WDR19: variants seen among roughly 807,000 people sequenced by gnomAD.
WDR19 encodes the protein WD repeat-containing protein 19.
WDR19 carries 121 observed loss-of-function variants against 180.0 expected under a neutral mutation model. That is an observed-to-expected ratio of 0.67 (90% confidence interval 0.58 to 0.78). The LOEUF (loss-of-function observed/expected upper bound fraction) is 0.78. Ranked by LOEUF, WDR19 falls within the 30% of genes least tolerant of loss-of-function variation. WDR19 has a pLI of 0.00. For missense variants in WDR19, 1,450 were observed against 1,640.7 expected (o/e 0.88, Z 2.01); for synonymous variants, 497 against 540.7 (o/e 0.92, Z 1.12).
intron 36 of WDR19, among the ~76,000 whole-genome samples, chr4:39,283,392 G>T (rs902037883): frequency 6.0e-5 from 9 of 150,594 alleles, no homozygotes; most frequent in Middle Eastern, 3.5e-3. Flanking sequence ...CCTCTGTTGT[G>T]TTTTTTTTTC....
chr4:39,253,419 C>T lies in WDR19; in HGVS notation c.2876+127C>T, dbSNP rs1445607415. ...TCTTTATTTTTTTATCAGGTCTAAG[C>T]GTTTAAATTCAAAGGCTGTCGTGGT... On this transcript the variant is annotated intron_variant, in intron 25 of 36. Transcript: ENST00000399820. 1.0e-5 allele frequency: 11 copies of T among 1,102,390 alleles called. No homozygotes were observed. In the African/African-American group the frequency reaches 1.5e-4, roughly 15 times the overall value. The allele number at this position is 1,102,390 out of a possible 1,614,324, so 68.3% of individuals were successfully genotyped here. A position where few individuals can be genotyped will look rare whatever the true frequency, so the allele number is the denominator to read the frequency against.
intron 31 of WDR19, among the ~76,000 whole-genome samples, chr4:39,271,220 G>A (rs917899039): frequency 7.9e-5 from 12 of 152,202 alleles, no homozygotes; most frequent in African/African-American, 1.7e-4. Context: ...TTAAAAATTC[G>A]TCCTTTAAGT....
Position 39,185,761 on chromosome 4 carries a change from C to A in WDR19, c.42C>A (p.Gly14=). 6.4e-7 allele frequency: 1 copy of A among 1,559,048 alleles called. No homozygotes were observed. The highest frequency in any genetic ancestry group is 2.4e-5 in the East Asian group (1 of 41,890). The change falls in exon 2 of 37, where the codon GGC becomes GGA. Residue 14 remains glycine (G), a synonymous_variant. Transcript: ENST00000399820. ...CACTGCTAGAAAAGACTTGGCTTGGCGCACCAATACAGTTTGCCTGGCAAA... is the reference window on the plus strand; with the variant it reads ...CACTGCTAGAAAAGACTTGGCTTGGAGCACCAATACAGTTTGCCTGGCAAA... ...IFSLLEKTWL[G]APIQFAWQKT... is the part of the protein sequence containing the mutation.
intron 28 of WDR19, among the ~76,000 whole-genome samples, chr4:39,260,768 C>G (rs1734207925): frequency 6.6e-6 from 1 of 152,188 alleles, no homozygotes; most frequent in African/African-American, 2.4e-5. Flanking sequence ...GGCTCTCTTC[C>G]TGACTTGCAG....
At chr4:39,272,954 A>C in intron 31 of WDR19, 26 bp from the exon 32 acceptor site, 1 of 1,555,578 alleles carries the variant, frequency 6.4e-7, no homozygotes, top group South Asian at 1.2e-5. Flanking sequence ...GACTATAAGA[A>C]GAGTAAAATA....
chr4:39,266,249 C>A, intron 29 of WDR19, 109 bp downstream of exon 29: 2 of 943,384 alleles, frequency 2.1e-6, no homozygotes, highest in Non-Finnish European at 3.1e-6. Context: ...AATTTTCTCT[C>A]TGCCAGTAGT....
At chr4:39,208,502 G>T (rs1181339790) in intron 9 of WDR19, among the ~76,000 whole-genome samples, 1 of 151,676 alleles carries the variant, frequency 6.6e-6, no homozygotes, top group African/African-American at 2.4e-5. Flanking sequence ...AGACGGGGTT[G>T]TACCATGTTG....
At chr4:39,203,005 T>A (rs1320663555) in intron 6 of WDR19, among the ~76,000 whole-genome samples, 3 of 152,112 alleles carry the variant, frequency 2.0e-5, no homozygotes, top group Non-Finnish European at 2.9e-5. Flanking sequence ...TAATTTCTCA[T>A]CTTGGGAGCT....
intron 19 of WDR19, among the ~76,000 whole-genome samples, chr4:39,233,315 A>G (rs919263482): frequency 6.6e-6 from 1 of 152,188 alleles, no homozygotes; most frequent in Non-Finnish European, 1.5e-5. Flanking sequence ...TAGACTAGCA[A>G]TGAGGGGCAT....
At chr4:39,218,218 T>A in intron 14 of WDR19, 113 bp downstream of exon 14, 1 of 1,264,878 alleles carries the variant, frequency 7.9e-7, no homozygotes, top group Non-Finnish European at 1.1e-6. Flanking sequence ...CCAATACAAT[T>A]AATGAAGTTA....
intron 35 of WDR19, 143 bp from the exon 36 acceptor site, chr4:39,278,396 T>G (rs1021461764): frequency 3.7e-6 from 3 of 800,782 alleles, no homozygotes; most frequent in Non-Finnish European, 5.9e-6. Flanking sequence ...TGCATGAGAC[T>G]GAATAGTTCT....
intron 31 of WDR19, 87 bp downstream of exon 31, chr4:39,270,187 C>T (rs1309614377): frequency 4.6e-6 from 7 of 1,515,504 alleles, no homozygotes; most frequent in Non-Finnish European, 6.3e-6. Flanking sequence ...CCATTGGATT[C>T]GAGTGATTGT....
At chr4:39,220,214 C>T (rs1231058490) in intron 14 of WDR19, among the ~76,000 whole-genome samples, 2 of 151,806 alleles carry the variant, frequency 1.3e-5, no homozygotes, top group African/African-American at 2.4e-5. Context: ...AGCAAGACCC[C>T]GTCTGAAAAG....
intron 23 of WDR19, 144 bp downstream of exon 23, chr4:39,244,696 T>G (rs1487213231): frequency 1.3e-6 from 1 of 780,138 alleles, no homozygotes; most frequent in Non-Finnish European, 2.0e-6. Context: ...TTTGTTCTCC[T>G]TAGATAAGTT....
In WDR19 at chr4:39,234,806, T is replaced by G; in HGVS notation, c.2294T>G (p.Leu765Arg). ...CAGCATTGGGACAGTGCTCTACAAC[T>G]GGCAAAGCATTTGGCCCCAGACCAG... ...DLQHWDSALQLAKHLAPDQIP... is the reference protein window; with the variant it reads ...DLQHWDSALQRAKHLAPDQIP... Residue 765 changes from leucine to arginine, a missense_variant, in exon 20 of 37, where the codon CTG becomes CGG. By Grantham distance (102) the Leu-to-Arg change is moderately radical (BLOSUM62 -2). Transcript: ENST00000399820. 1 of 1,585,478 alleles carries G rather than the reference T, an allele frequency of 6.3e-7. No homozygotes were observed. Among genetic ancestry groups the G allele is most frequent in the Non-Finnish European group, 8.6e-7 (1 of 1,164,638 alleles).
Position 39,269,244 on chromosome 4 carries a change from A to T in WDR19, c.3359-732A>T, listed in dbSNP as rs551433403. Among the ~76,000 whole-genome samples, 19 of 152,312 alleles carry T rather than the reference A, an allele frequency of 1.2e-4. No individual in the cohort carries two copies. In the South Asian group the frequency reaches 3.9e-3, roughly 32 times the overall value. On this transcript the variant is annotated intron_variant, in intron 30 of 36. Transcript: ENST00000399820. Reference sequence around the variant, plus strand: ...GTGAGTGGCGCCATTGGAGGGTTTTATGCAGGGGTGTGACCTTGAGTTGTT... The same window carrying T: ...GTGAGTGGCGCCATTGGAGGGTTTTTTGCAGGGGTGTGACCTTGAGTTGTT...
chr4:39,270,221 A>G, intron 31 of WDR19, 121 bp downstream of exon 31: 1 of 1,332,026 alleles, frequency 7.5e-7, no homozygotes, highest in South Asian at 1.4e-5. Flanking sequence ...TTGTTAAGTA[A>G]CAAAACAAGA....
At chr4:39,220,431 G>A (rs1729536352) in intron 14 of WDR19, among the ~76,000 whole-genome samples, 1 of 151,364 alleles carries the variant, frequency 6.6e-6, no homozygotes, top group Non-Finnish European at 1.5e-5. Flanking sequence ...CAATCGTCCT[G>A]CCTTATCCTT....
intron 26 of WDR19, 32 bp from the exon 27 acceptor site, chr4:39,255,816 C>G (rs758128553): frequency 6.0e-6 from 8 of 1,342,126 alleles, no homozygotes; most frequent in Admixed American, 2.8e-5. Context: ...AAATTTTGCT[C>G]AGATATTTTA....
Sources: gnomAD v4.1 joint callset for allele counts (sites outside exome capture counted in the v4.1 genomes callset) on GRCh38, gnomAD v4.1.1 for gene constraint, MANE v1.5 for transcripts, NCBI Gene and HGNC (gene_info 2026-07-23, HGNC 2026-07-21) for gene names.